Variants in CYTH1 observed in about 807,000 individuals in gnomAD.
The protein encoded by CYTH1 is cytohesin-1.
A neutral mutation model predicts 61.8 loss-of-function variants in CYTH1; 18 were observed. The ratio of observed to expected loss-of-function variants is 0.29; its 90% CI spans 0.20 to 0.43. The LOEUF is 0.43. Among genes scored for constraint, CYTH1 ranks in the 20% least tolerant of loss-of-function variants. The probability of loss-of-function intolerance (pLI) is 1.00; values close to 1 mark genes in which losing one functional copy is unlikely to be tolerated. For synonymous variants in CYTH1, 174 were observed against 184.3 expected (o/e 0.94, Z 0.45); for missense variants, 336 against 510.5 (o/e 0.66, Z 3.29).
chr17:78,697,710 G>A (rs1027966220), intron 9 of CYTH1, among the ~76,000 whole-genome samples: 9 of 152,302 alleles, frequency 5.9e-5, no homozygotes, highest in African/African-American at 1.9e-4. Flanking sequence ...GCCTGTGGGG[G>A]AGCCAGATGC....
intron 12 of CYTH1, 53 bp downstream of exon 12, chr17:78,680,918 T>C: frequency 6.4e-7 from 1 of 1,571,954 alleles, no homozygotes. Flanking sequence ...AAAAAAATCT[T>C]TGAAATGCCC....
At chr17:78,780,329 C>T (rs894205862) in intron 1 of CYTH1, among the ~76,000 whole-genome samples, 2 of 151,776 alleles carry the variant, frequency 1.3e-5, no homozygotes, top group Admixed American at 1.3e-4. Flanking sequence ...CATAGGGAGA[C>T]CTCCCTCTCT....
chr17:78,738,170 T>A (rs1390966876), intron 1 of CYTH1, among the ~76,000 whole-genome samples: 1 of 152,208 alleles, frequency 6.6e-6, no homozygotes, highest in Non-Finnish European at 1.5e-5. Flanking sequence ...TCCCACCTCA[T>A]CATCGTAATA....
In CYTH1 at chr17:78,749,278, G is replaced by T. The variant is rs11656839; in HGVS notation, c.22+32924C>A. Among the ~76,000 whole-genome samples, 816 of 152,122 alleles carry T rather than the reference G, an allele frequency of 5.4e-3. 4 individuals carry two copies. The highest frequency in any genetic ancestry group is 9.4e-3 in the Non-Finnish European group (639 of 67,990). On this transcript the variant is annotated intron_variant, in intron 1 of 13. Transcript: ENST00000446868. Reference sequence around the variant, plus strand: ...AGTTCAAGACCAGCCTGGTCAACATGGCGAAACCCCGTCTCCACTAAAAAT... The same window carrying T: ...AGTTCAAGACCAGCCTGGTCAACATTGCGAAACCCCGTCTCCACTAAAAAT...
intron 1 of CYTH1, among the ~76,000 whole-genome samples, chr17:78,734,735 C>T (rs546543419): frequency 6.6e-6 from 1 of 152,202 alleles, no homozygotes; most frequent in African/African-American, 2.4e-5. Context: ...CCATCGCGCC[C>T]AGCCAGAAAG....
chr17:78,695,237 G>A (rs577013294), intron 10 of CYTH1, among the ~76,000 whole-genome samples: 80 of 152,178 alleles, frequency 5.3e-4, no homozygotes, highest in Middle Eastern at 3.2e-3. Context: ...CCAGGAGACC[G>A]ATTCGGGGCT....
intron 10 of CYTH1, 92 bp from the exon 11 acceptor site, chr17:78,692,585 G>C: frequency 2.4e-6 from 3 of 1,240,556 alleles, no homozygotes; most frequent in Admixed American, 3.6e-5. Context: ...TCTCAGAGAG[G>C]GTTGGGGGAG....
At chr17:78,704,126 C>T (rs560134474) in intron 3 of CYTH1, among the ~76,000 whole-genome samples, 1 of 152,174 alleles carries the variant, frequency 6.6e-6, no homozygotes, top group Non-Finnish European at 1.5e-5. Flanking sequence ...GAAGACGCTC[C>T]GCTCGTTTAT....
intron 1 of CYTH1, among the ~76,000 whole-genome samples, chr17:78,721,208 T>C (rs2093225675): frequency 1.3e-5 from 2 of 152,122 alleles, no homozygotes; most frequent in Non-Finnish European, 2.9e-5. Context: ...CATGCAGCTG[T>C]AGTCCCAGCT....
chr17:78,698,375 G>A lies in CYTH1; in HGVS notation c.705C>T (p.Leu235=), dbSNP rs1447324750. The stretch of plus-strand genomic sequence containing the variant: ...AGGGTTCATTTTTTATGCTCTCATA[G>A]AGATTCTGGGATAAAAGATGACAAT... ...GDLPEELLRN[L]YESIKNEPFK... The change falls in exon 9 of 14, where the codon CTC becomes CTT. Residue 235 remains leucine, a synonymous_variant. Transcript: ENST00000446868. 1 of 1,606,266 alleles carries A rather than the reference G, an allele frequency of 6.2e-7. No individual in the cohort carries two copies. Among genetic ancestry groups the A allele is most frequent in the Admixed American group, 1.7e-5 (1 of 59,582 alleles).
At chr17:78,712,154 AAGGGAGGG>A (rs139179326) in intron 1 of CYTH1, among the ~76,000 whole-genome samples, 17 of 93,002 alleles carry the variant, frequency 1.8e-4, no homozygotes, top group East Asian at 9.8e-4. Context: ...AGGAGGAAGG[AAGGGAGGG>A]AGGGAGGGAG....
At chr17:78,710,738 A>G (rs1318801803) in intron 1 of CYTH1, among the ~76,000 whole-genome samples, 1 of 152,108 alleles carries the variant, frequency 6.6e-6, no homozygotes, top group Non-Finnish European at 1.5e-5. Flanking sequence ...AGTGCCTCAA[A>G]CCCTGCCTGG....
intron 9 of CYTH1, among the ~76,000 whole-genome samples, chr17:78,697,965 GTC>G (rs1219720089): frequency 3.3e-5 from 5 of 152,220 alleles, no homozygotes; most frequent in Non-Finnish European, 7.3e-5. Flanking sequence ...GTCCCCAGTA[GTC>G]TCTGTGTCCC....
intron 1 of CYTH1, among the ~76,000 whole-genome samples, chr17:78,711,671 G>GGGTTA (rs1190270184): frequency 1.3e-5 from 2 of 150,664 alleles, no homozygotes; most frequent in African/African-American, 4.9e-5. Flanking sequence ...AGTGTACAGT[G>GGGTTA]GGTTAATTAG....
chr17:78,675,072 A>G lies in CYTH1; in HGVS notation c.*1019T>C, dbSNP rs2092683480. ...GCCCTACGGGGATCGGGGAAGTCCT[A>G]CTCCTTCCTCTAGAACGAGGACTGG... On this transcript the variant is annotated 3_prime_UTR_variant, in exon 14 of 14. Coordinates refer to ENST00000446868, the MANE Select transcript of CYTH1 (RefSeq NM_004762.6). The G allele has an allele frequency of 6.6e-6, 1 of 152,074 alleles. No individual in the cohort carries two copies. The highest frequency in any genetic ancestry group is 2.4e-5 in the African/African-American group (1 of 41,382). 9.4% of individuals were successfully genotyped at this position (152,074 alleles called of 1,614,324 possible).
At chr17:78,751,337 CA>C (rs1487074998) in intron 1 of CYTH1, among the ~76,000 whole-genome samples, 2 of 152,116 alleles carry the variant, frequency 1.3e-5, no homozygotes, top group Admixed American at 1.3e-4. Flanking sequence ...CATTCCTGAG[CA>C]AAGCTTCGCT....
chr17:78,755,547 T>C (rs1387924982), intron 1 of CYTH1, among the ~76,000 whole-genome samples: 1 of 149,994 alleles, frequency 6.7e-6, no homozygotes, highest in Non-Finnish European at 1.5e-5. Flanking sequence ...TAACATTGTA[T>C]GATTTCACTT....
At chr17:78,726,797 C>T (rs984132259) in intron 1 of CYTH1, among the ~76,000 whole-genome samples, 6 of 152,074 alleles carry the variant, frequency 3.9e-5, no homozygotes. Context: ...GGCAGCCAGG[C>T]GCCATGAGAA....
intron 13 of CYTH1, chr17:78,676,774 G>A (rs1359907576): frequency 3.1e-5 from 11 of 350,768 alleles, no homozygotes; most frequent in South Asian, 1.3e-4. Flanking sequence ...GCTCATGCTT[G>A]TGCTACAGCC....
Sources: allele counts gnomAD v4.1 joint callset (sites outside exome capture counted in the v4.1 genomes callset), GRCh38; gene constraint gnomAD v4.1.1; transcripts MANE v1.5; gene names NCBI Gene and HGNC (gene_info 2026-07-23, HGNC 2026-07-21).